TTC39A: variants seen among roughly 807,000 people sequenced by gnomAD.
TTC39A encodes the protein tetratricopeptide repeat domain 39A, also known as tetratricopeptide repeat protein 39A.
Under a neutral mutation model 82.3 loss-of-function variants are expected in TTC39A, and 46 were observed. The observed-to-expected ratio is 0.56, with a 90% confidence interval of 0.44 to 0.71. The LOEUF (loss-of-function observed/expected upper bound fraction) is 0.71. TTC39A is among the 30% of genes least tolerant of loss of function. The pLI is 0.00. For missense variants in TTC39A, 543 were observed against 712.9 expected (o/e 0.76, Z 2.71); for synonymous variants, 254 against 275.2 (o/e 0.92, Z 0.76).
intron 1 of TTC39A, among the ~76,000 whole-genome samples, chr1:51,327,340 ATCTG>A (rs1483619297): frequency 6.6e-6 from 1 of 152,190 alleles, no homozygotes; most frequent in Non-Finnish European, 1.5e-5. Context: ...GCCCATGGGG[ATCTG>A]TTGCTTTAGA....
At chr1:51,308,552 T>C (rs1644961134) in intron 6 of TTC39A, among the ~76,000 whole-genome samples, 1 of 152,196 alleles carries the variant, frequency 6.6e-6, no homozygotes, top group African/African-American at 2.4e-5. Flanking sequence ...AAATCAACTT[T>C]TAATGGAAAT....
chr1:51,336,985 C>T (rs1051370197), intron 1 of TTC39A, among the ~76,000 whole-genome samples: 1 of 152,044 alleles, frequency 6.6e-6, no homozygotes, highest in Non-Finnish European at 1.5e-5. Context: ...TAGTGAAACC[C>T]CCGTCTCTAC....
At chr1:51,339,899 A>T (rs1252676969) in intron 1 of TTC39A, among the ~76,000 whole-genome samples, 1 of 152,212 alleles carries the variant, frequency 6.6e-6, no homozygotes, top group African/African-American at 2.4e-5. Context: ...CAACATTCAT[A>T]TGTGGAAATC....
At chr1:51,293,029 A>G (rs1644280275) in intron 14 of TTC39A, among the ~76,000 whole-genome samples, 1 of 148,292 alleles carries the variant, frequency 6.7e-6, no homozygotes, top group Non-Finnish European at 1.5e-5. Context: ...TTCCTACAAT[A>G]TCCTCCTGCT....
At chr1:51,327,958 A>C (rs917371812) in intron 1 of TTC39A, among the ~76,000 whole-genome samples, 1 of 152,164 alleles carries the variant, frequency 6.6e-6, no homozygotes, top group Non-Finnish European at 1.5e-5. Flanking sequence ...GGGCCTCCCA[A>C]AGTGCTGGGA....
At chr1:51,304,330 A>C (rs1644791698) in intron 8 of TTC39A, among the ~76,000 whole-genome samples, 1 of 152,250 alleles carries the variant, frequency 6.6e-6, no homozygotes, top group South Asian at 2.1e-4. Flanking sequence ...AAATTATAAT[A>C]GAGAGGTCCG....
intron 12 of TTC39A, chr1:51,297,677 A>G (rs1644493327): frequency 1.3e-5 from 2 of 152,206 alleles, no homozygotes; most frequent in Non-Finnish European, 2.9e-5. Flanking sequence ...CACCATCTCC[A>G]CACCGTCTCC....
chr1:51,307,355 A>C (rs569531617), intron 6 of TTC39A, among the ~76,000 whole-genome samples: 1 of 152,304 alleles, frequency 6.6e-6, no homozygotes, highest in Non-Finnish European at 1.5e-5. Flanking sequence ...TCCACATGCT[A>C]TATGGTACAT....
chr1:51,330,699 G>T, upstream of TTC39A: 1 of 905,394 alleles, frequency 1.1e-6, no homozygotes, highest in Non-Finnish European at 1.3e-6. This position sits in a 1 kb window ranked among gnomAD's most constrained non-coding sequence, Gnocchi z 4.5. Flanking sequence ...GCACCGCCGG[G>T]GGTTCTGGGC....
intron 9 of TTC39A, 41 bp downstream of exon 9, chr1:51,303,043 A>T: frequency 6.5e-7 from 1 of 1,530,430 alleles, no homozygotes; most frequent in East Asian, 2.4e-5. Context: ...CCCCTTGGAG[A>T]CGACCAAACC....
At chr1:51,322,294 GCTGTCACA>G in intron 1 of TTC39A, 1 of 1,432,852 alleles carries the variant, frequency 7.0e-7, no homozygotes. Flanking sequence ...GTCACAATGG[GCTGTCACA>G]CTATGGGTCA....
intron 1 of TTC39A, among the ~76,000 whole-genome samples, chr1:51,341,286 G>A (rs1326778456): frequency 6.7e-6 from 1 of 149,422 alleles, no homozygotes; most frequent in Non-Finnish European, 1.5e-5. Flanking sequence ...GAGCTTGGAA[G>A]CTGCTGACAG....
chr1:51,297,295 C>T, intron 12 of TTC39A: 1 of 153,282 alleles, frequency 6.5e-6, no homozygotes, highest in Non-Finnish European at 1.5e-5. Context: ...CGGCTCACTG[C>T]AACCTCCGCC....
chr1:51,316,753 C>T (rs147956024), intron 2 of TTC39A, among the ~76,000 whole-genome samples: 3 of 152,356 alleles, frequency 2.0e-5, no homozygotes, highest in Admixed American at 6.5e-5. Flanking sequence ...AGGGCATACC[C>T]TGAACTTGCT....
intron 1 of TTC39A, among the ~76,000 whole-genome samples, chr1:51,338,778 T>C (rs529187345): frequency 6.6e-6 from 1 of 152,000 alleles, no homozygotes; most frequent in East Asian, 1.9e-4. Flanking sequence ...AATTTTTGTA[T>C]TTTTAGTAGA....
At position 51,321,829 on chromosome 1, in the gene TTC39A, G is replaced by T; in HGVS notation, c.42-4C>A. ...ATGGAGGCTGCTCTCAGGAGTCCTG[G>T]GGGAAGAGATGCGGGGCATGACACA... On this transcript the variant is annotated splice_region_variant and splice_polypyrimidine_tract_variant and intron_variant, in intron 1 of 17. Coordinates refer to ENST00000680483, the MANE Select transcript of TTC39A (RefSeq NM_001297663.2). The surrounding 1 kb of genome is among the most constrained non-coding windows in gnomAD (Gnocchi z 4.6). The T allele has an allele frequency of 6.2e-7, 1 of 1,612,504 alleles. No individual in the cohort carries two copies. Among genetic ancestry groups the T allele is most frequent in the Non-Finnish European group, 8.5e-7 (1 of 1,179,216 alleles).
upstream of TTC39A, chr1:51,330,748 CCTCTGCG>C: frequency 1.8e-6 from 1 of 565,554 alleles, no homozygotes; most frequent in Non-Finnish European, 2.4e-6. This position sits in a 1 kb window ranked among gnomAD's most constrained non-coding sequence, Gnocchi z 4.5. Context: ...AGCCCGGCGC[CCTCTGCG>C]CAGACACCGC....
At chr1:51,310,382 G>A (rs1033345803) in intron 5 of TTC39A, among the ~76,000 whole-genome samples, 15 of 152,284 alleles carry the variant, frequency 9.9e-5, no homozygotes, top group Non-Finnish European at 1.6e-4. Context: ...GTCGGGTGTG[G>A]TGTTGGTGGG....
At chr1:51,317,123 G>A (rs1418582307) in intron 2 of TTC39A, among the ~76,000 whole-genome samples, 3 of 152,226 alleles carry the variant, frequency 2.0e-5, no homozygotes, top group Non-Finnish European at 4.4e-5. Context: ...AGGGAGCTAG[G>A]AAAGCCCAGA....
Sources: gnomAD v4.1 joint callset for allele counts (sites outside exome capture counted in the v4.1 genomes callset) on GRCh38, gnomAD v4.1.1 for gene constraint, Gnocchi (gnomAD v3.1) non-coding constraint, MANE v1.5 for transcripts, NCBI Gene and HGNC (gene_info 2026-07-23, HGNC 2026-07-21) for gene names.